The following ZNG1E variants were observed in gnomAD, a reference collection of about 807,000 sequenced individuals.
ZNG1E encodes the protein Zn regulated GTPase metalloprotein activator 1E.
At chr9:65,684,493 C>T in the ZNG1E span, among the ~76,000 whole-genome samples, 12 of 152,312 alleles carry the variant, frequency 7.9e-5, no homozygotes, top group African/African-American at 2.2e-4. Context: ...GCCGAGATCA[C>T]GCCACTGCAC....
At chr9:65,658,538 T>A in the ZNG1E span, among the ~76,000 whole-genome samples, 2 of 144,316 alleles carry the variant, frequency 1.4e-5, no homozygotes, top group East Asian at 2.0e-4. Context: ...TTCAAGAAAA[T>A]CCAAGGACAT....
the ZNG1E span, among the ~76,000 whole-genome samples, chr9:65,673,745 C>T: frequency 2.6e-5 from 4 of 151,020 alleles, no homozygotes; most frequent in African/African-American, 7.3e-5. Context: ...TTTAGGACTG[C>T]AGTGAGCTGT....
the ZNG1E span, among the ~76,000 whole-genome samples, chr9:65,721,294 A>AT: frequency 1.4e-5 from 2 of 139,084 alleles, no homozygotes; most frequent in South Asian, 4.5e-4. Context: ...TACTCAGTGA[A>AT]TATTTGTTAA....
At chr9:65,665,164 T>C in the ZNG1E span, among the ~76,000 whole-genome samples, 2 of 152,268 alleles carry the variant, frequency 1.3e-5, no homozygotes, top group African/African-American at 4.8e-5. Context: ...GAGCTGAATG[T>C]TAATCCCCAA....
chr9:65,656,673 C>A, the ZNG1E span, among the ~76,000 whole-genome samples: 1 of 152,280 alleles, frequency 6.6e-6, no homozygotes, highest in African/African-American at 2.4e-5. Context: ...TCCTGGAGAA[C>A]ATTTGGCACA....
At chr9:65,678,100 T>G in the ZNG1E span, among the ~76,000 whole-genome samples, 229 of 152,068 alleles carry the variant, frequency 1.5e-3, no homozygotes, top group African/African-American at 5.3e-3. Context: ...AAAGTGTTTT[T>G]TTTTTTTTTT....
chr9:65,674,413 A>T, the ZNG1E span, among the ~76,000 whole-genome samples: 1 of 152,416 alleles, frequency 6.6e-6, no homozygotes, highest in South Asian at 2.1e-4. Flanking sequence ...TCAACCTTTT[A>T]TCTGGCATCA....
the ZNG1E span, among the ~76,000 whole-genome samples, chr9:65,660,828 GAT>G: frequency 0.051 from 6,596 of 129,658 alleles, 35 homozygotes; most frequent in South Asian, 0.1. Context: ...TGGTTATACA[GAT>G]ATATATATAT....
chr9:65,687,571 T>C, the ZNG1E span, among the ~76,000 whole-genome samples: 1 of 152,174 alleles, frequency 6.6e-6, no homozygotes, highest in Non-Finnish European at 1.5e-5. Context: ...GTCCAATGTT[T>C]TCTCCTTTTA....
chr9:65,671,948 C>A, the ZNG1E span, among the ~76,000 whole-genome samples: 1 of 137,506 alleles, frequency 7.3e-6, no homozygotes, highest in Non-Finnish European at 1.5e-5. Flanking sequence ...ATATAAGTAC[C>A]TACACAATGT....
At chr9:65,720,816 A>G in the ZNG1E span, among the ~76,000 whole-genome samples, 19 of 145,852 alleles carry the variant, frequency 1.3e-4, no homozygotes, top group African/African-American at 3.1e-4. Context: ...AGCTACTTGC[A>G]TTTGTATTCA....
the ZNG1E span, chr9:65,707,988 T>C: frequency 2.6e-5 from 4 of 151,608 alleles, no homozygotes; most frequent in African/African-American, 9.8e-5. Context: ...GCCTCCCGAG[T>C]AGCTGGGACT....
the ZNG1E span, among the ~76,000 whole-genome samples, chr9:65,714,683 A>AGTTACCTCCCAGGGG: frequency 6.6e-6 from 1 of 151,988 alleles, no homozygotes; most frequent in Non-Finnish European, 1.5e-5. Context: ...GGTGCCTCCC[A>AGTTACCTCCCAGGGG]GTTACCTCCC....
chr9:65,673,880 A>T, the ZNG1E span, among the ~76,000 whole-genome samples: 3 of 152,300 alleles, frequency 2.0e-5, no homozygotes, highest in Admixed American at 2.0e-4. Context: ...GTACTTTTAA[A>T]AATATGTCAA....
chr9:65,704,679 A>C, the ZNG1E span: 2 of 709,170 alleles, frequency 2.8e-6, no homozygotes, highest in Non-Finnish European at 3.3e-6. Context: ...TTGGGAGGCC[A>C]AGGTGGGCGG....
At chr9:65,668,155 A>G in the ZNG1E span, among the ~76,000 whole-genome samples, 629 of 151,600 alleles carry the variant, frequency 4.1e-3, no homozygotes, top group African/African-American at 0.014. Flanking sequence ...AATGTACTCT[A>G]TCTTTCTGTT....
chr9:65,680,051 A>T, the ZNG1E span, among the ~76,000 whole-genome samples: 1 of 152,254 alleles, frequency 6.6e-6, no homozygotes. Context: ...TGTGAAAATA[A>T]GTGTGCTTAA....
chr9:65,662,292 G>A, the ZNG1E span, among the ~76,000 whole-genome samples: 1 of 152,178 alleles, frequency 6.6e-6, no homozygotes, highest in African/African-American at 2.4e-5. Context: ...ACTGAGCAAT[G>A]CTTCTGATTA....
the ZNG1E span, chr9:65,719,977 A>G: frequency 6.3e-7 from 1 of 1,581,820 alleles, no homozygotes. Flanking sequence ...TCCTTGTGTC[A>G]CTAAACGTAT....
Sources: allele counts gnomAD v4.1 joint callset (sites outside exome capture counted in the v4.1 genomes callset), GRCh38; gene constraint gnomAD v4.1.1; transcripts MANE v1.5; gene names NCBI Gene and HGNC (gene_info 2026-07-23, HGNC 2026-07-21).